The following KLF9 variants were observed in gnomAD, a reference collection of about 807,000 sequenced individuals.
KLF9 encodes Krueppel-like factor 9.
KLF9 carries 2 observed loss-of-function variants against 17.3 expected under a neutral mutation model. The ratio of observed to expected loss-of-function variants is 0.12; its 90% CI spans 0.05 to 0.36. KLF9 has a LOEUF of 0.36. KLF9 is among the 10% of genes least tolerant of loss of function. The pLI, the probability that KLF9 is intolerant of heterozygous loss-of-function variation, is 1.00. For missense variants in KLF9, 226 were observed against 333.2 expected, an observed-to-expected ratio of 0.68 and a Z score of 2.51; for synonymous variants, 138 against 139.2, an observed-to-expected ratio of 0.99 and a Z score of 0.06.
intron 1 of KLF9, among the ~76,000 whole-genome samples, chr9:70,393,787 G>T (rs56356796): frequency 0.15 from 23,457 of 152,018 alleles, 2,057 homozygotes; most frequent in African/African-American, 0.25. Flanking sequence ...ATGCTCAGCC[G>T]CTCAAGATGG....
At chr9:70,406,140 G>C (rs551140835) in intron 1 of KLF9, among the ~76,000 whole-genome samples, 48 of 152,288 alleles carry the variant, frequency 3.2e-4, no homozygotes. Flanking sequence ...GAATTCAAAT[G>C]AAAGTACTGC....
intron 1 of KLF9, among the ~76,000 whole-genome samples, chr9:70,408,140 G>T (rs200291740): frequency 1.3e-5 from 2 of 152,146 alleles, no homozygotes; most frequent in Non-Finnish European, 2.9e-5. Flanking sequence ...TTGTGAGGCC[G>T]AGGTGAGCAG....
At chr9:70,401,388 C>T (rs1016985523) in intron 1 of KLF9, among the ~76,000 whole-genome samples, 1 of 151,536 alleles carries the variant, frequency 6.6e-6, no homozygotes, top group Non-Finnish European at 1.5e-5. Flanking sequence ...CCTGTCTCTA[C>T]TAAAAATACA....
At chr9:70,395,290 C>T (rs2037176490) in intron 1 of KLF9, among the ~76,000 whole-genome samples, 1 of 152,002 alleles carries the variant, frequency 6.6e-6, no homozygotes, top group Non-Finnish European at 1.5e-5. Flanking sequence ...AATCTTAGTC[C>T]CTACCTCATA....
At chr9:70,391,561 T>G (rs1409187054) in intron 1 of KLF9, among the ~76,000 whole-genome samples, 1 of 152,150 alleles carries the variant, frequency 6.6e-6, no homozygotes, top group Admixed American at 6.5e-5. Flanking sequence ...CTTGTATAAT[T>G]CAAGTTTACC....
rs33924111 is a variant in KLF9 at position 70,409,220 on chromosome 9, G to GTA, written c.505+3637_505+3638dup. On this transcript the variant is annotated intron_variant, in intron 1 of 1. Coordinates refer to ENST00000377126, the MANE Select transcript of KLF9 (RefSeq NM_001206.4). ...TATATGTATATATATATACATATAT[G>GTA]TATATATATATACTGAAAAATATTT... 2.8e-4 allele frequency among the ~76,000 whole-genome samples: 37 copies of GTA among 131,424 alleles called. 1 individual carries two copies. Among genetic ancestry groups the GTA allele is most frequent in the Non-Finnish European group, 3.5e-4 (22 of 62,560 alleles). 86.2% of individuals were successfully genotyped at this position (131,424 alleles called of 152,430 possible). A position where few individuals can be genotyped will look rare whatever the true frequency, so the allele number is the denominator to read the frequency against.
chr9:70,401,089 T>A (rs1206667300), intron 1 of KLF9, among the ~76,000 whole-genome samples: 1 of 151,100 alleles, frequency 6.6e-6, no homozygotes, highest in African/African-American at 2.4e-5. Context: ...ATCCCAACAG[T>A]TTGGGAGACT....
At chr9:70,389,476 T>C (rs750677628) in intron 1 of KLF9, among the ~76,000 whole-genome samples, 3 of 152,180 alleles carry the variant, frequency 2.0e-5, no homozygotes, top group Non-Finnish European at 4.4e-5. Context: ...CCCGTGCTCT[T>C]GGCCACTTGG....
intron 1 of KLF9, among the ~76,000 whole-genome samples, chr9:70,406,382 T>C (rs1305824509): frequency 1.3e-5 from 2 of 152,176 alleles, no homozygotes; most frequent in Non-Finnish European, 2.9e-5. Flanking sequence ...CCAAAACATT[T>C]CAAGAGAACA....
rs1314258721 is a variant in KLF9 at position 70,387,235 on chromosome 9, A to C, written c.*541T>G. The C allele has an allele frequency of 6.5e-6, 1 of 154,522 alleles. No individual in the cohort carries two copies. Among genetic ancestry groups the C allele is most frequent in the East Asian group, 1.9e-4 (1 of 5,210 alleles). The allele number at this position is 154,522 out of a possible 1,614,324, so 9.6% of individuals were successfully genotyped here. The stretch of plus-strand genomic sequence containing the variant: ...TAATCTCAAAAGTTAACGTGATTCA[A>C]GAGAGTGGTTTTGCTAAACAAACTG... On this transcript the variant is annotated 3_prime_UTR_variant, in exon 2 of 2. Transcript: ENST00000377126.
At chr9:70,397,635 A>G (rs138772740) in intron 1 of KLF9, among the ~76,000 whole-genome samples, 3 of 152,316 alleles carry the variant, frequency 2.0e-5, no homozygotes, top group African/African-American at 7.2e-5. Flanking sequence ...GGAAATGCAC[A>G]AACAGTAACA....
At chr9:70,395,533 G>T (rs2037177733) in intron 1 of KLF9, among the ~76,000 whole-genome samples, 2 of 152,062 alleles carry the variant, frequency 1.3e-5, no homozygotes, top group Admixed American at 1.3e-4. Flanking sequence ...TAAATTAAAA[G>T]AAATTGAAGC....
intron 1 of KLF9, among the ~76,000 whole-genome samples, chr9:70,403,152 A>C (rs2037235489): frequency 6.6e-6 from 1 of 152,238 alleles, no homozygotes; most frequent in African/African-American, 2.4e-5. Flanking sequence ...TTTGTCTCAA[A>C]AAAATACAAA....
chr9:70,394,142 G>T (rs757901479), intron 1 of KLF9, among the ~76,000 whole-genome samples: 1 of 152,088 alleles, frequency 6.6e-6, no homozygotes, highest in Non-Finnish European at 1.5e-5. Context: ...CCAGCACTTT[G>T]GGAGGCTGAG....
rs1008071471 is a variant in KLF9, at chr9:70,399,119, G to A, written c.506-11114C>T. Among the ~76,000 whole-genome samples the A allele has an allele frequency of 3.3e-5, 5 of 152,198 alleles. No homozygotes were observed. The South Asian group carries it at 1.0e-3, about 32-fold the overall frequency. On this transcript the variant is annotated intron_variant, in intron 1 of 1. Coordinates refer to ENST00000377126, the MANE Select transcript of KLF9 (RefSeq NM_001206.4). Reference sequence around the variant, plus strand: ...CAAAGTGCTGGGATTACAGCCGTGAGACACTGCACCTGGCCAAGAGCTGTC... The same window carrying A: ...CAAAGTGCTGGGATTACAGCCGTGAAACACTGCACCTGGCCAAGAGCTGTC...
intron 1 of KLF9, among the ~76,000 whole-genome samples, chr9:70,396,813 A>G (rs2037184531): frequency 6.6e-6 from 1 of 152,156 alleles, no homozygotes; most frequent in Admixed American, 6.5e-5. Flanking sequence ...AGTTATTTTA[A>G]TATTTTTTAA....
chr9:70,409,792 T>TA, intron 1 of KLF9, among the ~76,000 whole-genome samples: 1 of 152,216 alleles, frequency 6.6e-6, no homozygotes, highest in East Asian at 1.9e-4. Context: ...ACTTTAGAGG[T>TA]ATGTCACCTG....
At chr9:70,409,135 C>CATATATGT in intron 1 of KLF9, among the ~76,000 whole-genome samples, 1 of 48,968 alleles carries the variant, frequency 2.0e-5, no homozygotes, top group Non-Finnish European at 5.7e-5. Flanking sequence ...TATATGTATA[C>CATATATGT]ATATATATGT....
At chr9:70,392,437 C>T (rs2037158389) in intron 1 of KLF9, among the ~76,000 whole-genome samples, 1 of 152,166 alleles carries the variant, frequency 6.6e-6, no homozygotes, top group Non-Finnish European at 1.5e-5. Flanking sequence ...TAGGGACCTA[C>T]AATTTGTAGC....
Sources: gnomAD v4.1 joint callset for allele counts (sites outside exome capture counted in the v4.1 genomes callset) on GRCh38, gnomAD v4.1.1 for gene constraint, MANE v1.5 for transcripts, NCBI Gene and HGNC (gene_info 2026-07-23, HGNC 2026-07-21) for gene names.